ERC1: variants seen among roughly 807,000 people sequenced by gnomAD.
ERC1 encodes the protein RAB6 interacting protein 2.
In ERC1, 56 loss-of-function variants were observed where a neutral mutation model predicts 132.0. The observed-to-expected ratio is 0.42, with a 90% CI of 0.34 to 0.53. ERC1 has a LOEUF of 0.53. ERC1 is among the 20% of genes least tolerant of loss of function. The probability of loss-of-function intolerance (pLI) is 0.03; values close to 1 mark genes in which losing one functional copy is unlikely to be tolerated. For synonymous variants in ERC1, 478 were observed against 476.1 expected (o/e 1.00, Z -0.05); for missense variants, 1,202 against 1,349.9 (o/e 0.89, Z 1.72).
chr12:1,231,228 A>T (rs1289189158), intron 12 of ERC1, among the ~76,000 whole-genome samples: 4 of 151,744 alleles, frequency 2.6e-5, no homozygotes, highest in Non-Finnish European at 5.9e-5. Context: ...GGTTACTATG[A>T]GGGTTACATA....
chr12:1,211,679 C>A (rs979737463), intron 12 of ERC1, among the ~76,000 whole-genome samples: 1 of 152,118 alleles, frequency 6.6e-6, no homozygotes, highest in South Asian at 2.1e-4. Flanking sequence ...TTTGCCTCAG[C>A]CTCTCTAGTA....
At chr12:1,115,221 TAGAA>T (rs536319964) in intron 6 of ERC1, among the ~76,000 whole-genome samples, 82 of 152,300 alleles carry the variant, frequency 5.4e-4, no homozygotes, top group South Asian at 1.0e-3. Flanking sequence ...AAGAAGGTGT[TAGAA>T]AGAAAATACT....
At chr12:996,780 C>G (rs1961017962) in intron 1 of ERC1, among the ~76,000 whole-genome samples, 1 of 152,140 alleles carries the variant, frequency 6.6e-6, no homozygotes, top group African/African-American at 2.4e-5. Context: ...CCATCTAGTT[C>G]TTTCTGAAGG....
intron 16 of ERC1, among the ~76,000 whole-genome samples, chr12:1,399,033 C>G (rs1217202394): frequency 7.1e-6 from 1 of 140,548 alleles, no homozygotes; most frequent in African/African-American, 2.7e-5. Context: ...GCAGCCTTGA[C>G]CTTCTGGGCT....
intron 2 of ERC1, among the ~76,000 whole-genome samples, chr12:1,059,629 A>G (rs1054324025): frequency 1.2e-4 from 19 of 152,214 alleles, no homozygotes; most frequent in Middle Eastern, 3.4e-3. Context: ...TTGATGTGCT[A>G]TATTACATTT....
chr12:1,488,430 G>T, intron 18 of ERC1, among the ~76,000 whole-genome samples: 1 of 151,532 alleles, frequency 6.6e-6, no homozygotes, highest in Middle Eastern at 3.4e-3. Context: ...AGGAGCTCAC[G>T]ACTGTAAGCA....
chr12:1,032,126 A>G (rs952827012), intron 2 of ERC1, among the ~76,000 whole-genome samples: 4 of 151,536 alleles, frequency 2.6e-5, no homozygotes, highest in African/African-American at 9.7e-5. Context: ...GCTCACTGCA[A>G]CCTCTGCCTC....
chr12:1,261,619 G>T (rs1003486038), intron 13 of ERC1, among the ~76,000 whole-genome samples: 1 of 152,144 alleles, frequency 6.6e-6, no homozygotes, highest in African/African-American at 2.4e-5. Flanking sequence ...GCTGCTCATG[G>T]CAAGTCAACA....
At chr12:1,109,059 CTCTTTAAGG>C (rs886195834) in intron 4 of ERC1, among the ~76,000 whole-genome samples, 1 of 152,140 alleles carries the variant, frequency 6.6e-6, no homozygotes, top group African/African-American at 2.4e-5. Context: ...TTAATTTATG[CTCTTTAAGG>C]TCTCTATTTC....
intron 15 of ERC1, among the ~76,000 whole-genome samples, chr12:1,295,435 G>T (rs1049482319): frequency 6.6e-6 from 1 of 152,100 alleles, no homozygotes; most frequent in African/African-American, 2.4e-5. Context: ...ACTAGGCTAC[G>T]TGTTCACTGA....
intron 12 of ERC1, among the ~76,000 whole-genome samples, chr12:1,199,577 C>T (rs1436757350): frequency 6.6e-6 from 1 of 151,810 alleles, no homozygotes; most frequent in African/African-American, 2.4e-5. Flanking sequence ...TCGAGACCAG[C>T]CTGACCAACA....
intron 8 of ERC1, among the ~76,000 whole-genome samples, chr12:1,146,999 A>G (rs1593703474): frequency 6.6e-6 from 1 of 152,182 alleles, no homozygotes; most frequent in Non-Finnish European, 1.5e-5. Flanking sequence ...TATATGTGCC[A>G]CATTTTCTTA....
At chr12:1,161,828 G>A (rs1951910352) in intron 8 of ERC1, among the ~76,000 whole-genome samples, 1 of 151,976 alleles carries the variant, frequency 6.6e-6, no homozygotes, top group Non-Finnish European at 1.5e-5. Context: ...TCCTTTTCTT[G>A]TTCTTTGGTG....
At chr12:1,485,501 C>CTGTGAAATCACTCCCGGCTGTGAAG (rs2094200972) in intron 18 of ERC1, among the ~76,000 whole-genome samples, 2 of 152,036 alleles carry the variant, frequency 1.3e-5, no homozygotes, top group Admixed American at 1.3e-4. Context: ...CTGCATCTGG[C>CTGTGAAATCACTCCCGGCTGTGAAG]CATATTTAAT....
intron 16 of ERC1, among the ~76,000 whole-genome samples, chr12:1,388,898 C>T (rs991678781): frequency 2.0e-5 from 3 of 152,212 alleles, no homozygotes; most frequent in African/African-American, 7.2e-5. Flanking sequence ...CTTGGTTACA[C>T]AAAGTCCACC....
intron 7 of ERC1, among the ~76,000 whole-genome samples, chr12:1,121,387 T>C (rs1361798792): frequency 1.3e-5 from 2 of 152,162 alleles, no homozygotes; most frequent in East Asian, 1.9e-4. Context: ...TCTTGTTTGA[T>C]TGGTAGGTTG....
chr12:1,460,298 T>C (rs1372055998), intron 18 of ERC1, among the ~76,000 whole-genome samples: 1 of 152,146 alleles, frequency 6.6e-6, no homozygotes, highest in East Asian at 1.9e-4. Context: ...CTTGTGAAAA[T>C]TGAGAGGCAC....
Position 1,490,213 on chromosome 12 carries a change from C to G in ERC1, c.3334C>G (p.Leu1112Val). The change falls in exon 19 of 19, where the codon CTG (leucine) becomes GTG (valine). Residue 1112 changes from leucine to valine, a missense_variant. Physicochemically the swap from Leu to Val is conservative, Grantham distance 32. Transcript: ENST00000360905. Reference protein sequence around the residue: ...PDILEQVVNALEESS With the variant: ...PDILEQVVNAVEESS ...CATCCTAGAGCAAGTGGTCAACGCC[C>G]TGGAAGAGTCCTCTTGACCCTGCTT... 1 of 1,614,118 alleles carries G rather than the reference C, an allele frequency of 6.2e-7. No individual in the cohort carries two copies. The highest frequency in any genetic ancestry group is 8.5e-7 in the Non-Finnish European group (1 of 1,180,008).
At chr12:1,469,080 G>T (rs567111739) in intron 18 of ERC1, among the ~76,000 whole-genome samples, 12 of 152,354 alleles carry the variant, frequency 7.9e-5, no homozygotes, top group African/African-American at 2.6e-4. Flanking sequence ...TCTGTGCTAG[G>T]TGTTGTGCAC....
Sources: allele counts gnomAD v4.1 joint callset (sites outside exome capture counted in the v4.1 genomes callset), GRCh38; gene constraint gnomAD v4.1.1; transcripts MANE v1.5; gene names NCBI Gene and HGNC (gene_info 2026-07-23, HGNC 2026-07-21).